MROH2B: variants seen among roughly 807,000 people sequenced by gnomAD.
MROH2B encodes maestro heat like repeat family member 2B.
In MROH2B, 177 loss-of-function variants were observed where a neutral mutation model predicts 208.6. That is an observed-to-expected ratio of 0.85 (90% CI 0.75 to 0.96). MROH2B has a LOEUF of 0.96. Among genes scored for constraint, MROH2B ranks in the 40% least tolerant of loss-of-function variants. MROH2B has a pLI of 0.00. For synonymous variants in MROH2B, 728 were observed against 659.0 expected (o/e 1.10, Z -1.60); for missense variants, 2,002 against 1,878.7 (o/e 1.07, Z -1.21).
intron 2 of MROH2B, among the ~76,000 whole-genome samples, chr5:41,067,461 G>T (rs1280437914): frequency 1.3e-5 from 2 of 151,970 alleles, no homozygotes; most frequent in Non-Finnish European, 2.9e-5. Context: ...CTGCCTCCTG[G>T]GTTCAACTGA....
chr5:41,020,002 A>G (rs533469437), intron 24 of MROH2B, among the ~76,000 whole-genome samples: 2 of 152,056 alleles, frequency 1.3e-5, no homozygotes, highest in South Asian at 4.1e-4. Context: ...CTCCCCCTTG[A>G]CAACCACTGA....
At chr5:41,049,046 A>T in intron 15 of MROH2B, 55 bp downstream of exon 15, 1 of 1,520,380 alleles carries the variant, frequency 6.6e-7, no homozygotes, top group Non-Finnish European at 9.0e-7. Context: ...TTTGGAACTG[A>T]ACTATCCTTA....
intron 24 of MROH2B, among the ~76,000 whole-genome samples, chr5:41,023,882 C>T (rs1742251340): frequency 6.6e-6 from 1 of 152,334 alleles, no homozygotes; most frequent in Non-Finnish European, 1.5e-5. Context: ...CAATATTCAA[C>T]ATTTTTAAAG....
Position 41,023,371 on chromosome 5 carries a change from T to C in MROH2B, c.2442-4353A>G, listed in dbSNP as rs544390495. On this transcript the variant is annotated intron_variant, in intron 24 of 41. Transcript: ENST00000399564. ...AATGACCTGATGGAGCTGAAAACCA[T>C]GGCACAAGAACTACATGATGAATGC... is the stretch of plus-strand genomic sequence containing the variant. Among the ~76,000 whole-genome samples, 324 of 152,262 alleles carry C rather than the reference T, an allele frequency of 2.1e-3. 1 individual carries two copies. Among genetic ancestry groups the C allele is most frequent in the Middle Eastern group, 3.4e-3 (1 of 294 alleles).
In MROH2B at chr5:41,042,111, T is replaced by C; in HGVS notation, c.1934A>G (p.Gln645Arg). The change falls in exon 19 of 42, where the codon CAA (glutamine) becomes CGA (arginine). Residue 645 changes from glutamine to arginine, a missense_variant. By Grantham distance (43) the Gln-to-Arg change is conservative (BLOSUM62 1). Transcript: ENST00000399564. ...QIKEFLTAPN[Q>R]LGDQRQGITS... ...TCCCACCTGTCTTTGATCCCCCAGTTGGTTGGGAGCAGTCAGAAACTCCTT... is the reference window on the plus strand; with the variant it reads ...TCCCACCTGTCTTTGATCCCCCAGTCGGTTGGGAGCAGTCAGAAACTCCTT... 1 of 1,590,158 alleles carries C rather than the reference T, an allele frequency of 6.3e-7. No homozygotes were observed. Among genetic ancestry groups the C allele is most frequent in the Non-Finnish European group, 8.6e-7 (1 of 1,166,980 alleles).
chr5:41,045,415 C>T (rs755172694), intron 18 of MROH2B, among the ~76,000 whole-genome samples: 1 of 152,162 alleles, frequency 6.6e-6, no homozygotes, highest in Non-Finnish European at 1.5e-5. Context: ...AGGACAGAAG[C>T]TGACATTAAG....
intron 7 of MROH2B, 95 bp from the exon 8 acceptor site, chr5:41,057,455 A>C (rs190029855): frequency 1.0e-6 from 1 of 964,954 alleles, no homozygotes; most frequent in African/African-American, 1.6e-5. Flanking sequence ...AGAGAAAAAC[A>C]AGCTTCTCAT....
rs1743040354 is a variant in MROH2B, at chr5:41,044,035, C to T, written c.1836+1711G>A. On this transcript the variant is annotated intron_variant, in intron 18 of 41. Transcript: ENST00000399564. ...TGGGTGGATCATGAGGTCAGGAGAT[C>T]GAGACCATCCTGGCTAACATGGTGA... Among the ~76,000 whole-genome samples the T allele has an allele frequency of 4.0e-5, 6 of 149,196 alleles. No homozygotes were observed. The South Asian group carries it at 1.3e-3, about 32-fold the overall frequency.
chr5:41,062,243 T>C (rs1054455015), intron 5 of MROH2B, among the ~76,000 whole-genome samples: 1 of 152,180 alleles, frequency 6.6e-6, no homozygotes, highest in Non-Finnish European at 1.5e-5. Flanking sequence ...TTACATTCTA[T>C]AGACATGTAA....
chr5:41,054,637 T>G, intron 11 of MROH2B, 130 bp downstream of exon 11: 1 of 581,796 alleles, frequency 1.7e-6, no homozygotes, highest in Non-Finnish European at 2.8e-6. Flanking sequence ...AAAGATGGAG[T>G]TCTTTTAAAA....
At chr5:41,062,895 G>A (rs1295882032) in intron 5 of MROH2B, among the ~76,000 whole-genome samples, 1 of 151,326 alleles carries the variant, frequency 6.6e-6, no homozygotes, top group African/African-American at 2.4e-5. Flanking sequence ...TGACCTGTAA[G>A]CAACCTGAAG....
chr5:41,005,037 G>A, intron 35 of MROH2B, 117 bp from the exon 36 acceptor site: 2 of 1,362,010 alleles, frequency 1.5e-6, no homozygotes, highest in African/African-American at 2.9e-5. Context: ...GTGCAGCGGA[G>A]GAGGAAGCCC....
intron 34 of MROH2B, among the ~76,000 whole-genome samples, chr5:41,006,997 A>AT (rs1029613301): frequency 4.7e-5 from 7 of 147,560 alleles, no homozygotes; most frequent in African/African-American, 1.5e-4. Flanking sequence ...AAAAAATAAA[A>AT]TTTTTTTTAA....
intron 38 of MROH2B, 127 bp downstream of exon 38, chr5:41,000,551 G>A: frequency 7.4e-7 from 1 of 1,352,660 alleles, no homozygotes; most frequent in Non-Finnish European, 9.9e-7. Context: ...AATTGGAGAA[G>A]AGGTTTTCAG....
chr5:41,012,789 G>T, intron 29 of MROH2B, 54 bp from the exon 30 acceptor site: 1 of 1,600,036 alleles, frequency 6.2e-7, no homozygotes, highest in Non-Finnish European at 8.5e-7. Context: ...TTTATATCTA[G>T]ATACTTACAA....
chr5:41,048,148 T>C (rs1743179021), intron 16 of MROH2B, 176 bp downstream of exon 16: 5 of 673,890 alleles, frequency 7.4e-6, no homozygotes, highest in Non-Finnish European at 1.1e-5. Flanking sequence ...GTATGAATAT[T>C]GGCAAGAAAC....
At chr5:41,024,428 G>T (rs1250028149) in intron 24 of MROH2B, among the ~76,000 whole-genome samples, 2 of 152,066 alleles carry the variant, frequency 1.3e-5, no homozygotes, top group Non-Finnish European at 2.9e-5. Context: ...AAGATCAAAA[G>T]AGACAAAGAA....
chr5:41,057,967 G>A, intron 7 of MROH2B, 96 bp downstream of exon 7: 9 of 1,208,316 alleles, frequency 7.4e-6, no homozygotes, highest in Non-Finnish European at 9.8e-6. Flanking sequence ...GCCCAAACAG[G>A]AGTTTAAGCT....
chr5:41,017,498 A>G (rs933088983), intron 28 of MROH2B, among the ~76,000 whole-genome samples: 3 of 152,194 alleles, frequency 2.0e-5, no homozygotes, highest in African/African-American at 7.2e-5. Flanking sequence ...ACCTACTTTA[A>G]TGGATCTTTA....
Sources: gnomAD v4.1 joint callset for allele counts (sites outside exome capture counted in the v4.1 genomes callset) on GRCh38, gnomAD v4.1.1 for gene constraint, MANE v1.5 for transcripts, NCBI Gene and HGNC (gene_info 2026-07-23, HGNC 2026-07-21) for gene names.